SPATA31F3: variants seen among roughly 807,000 people sequenced by gnomAD.
SPATA31F3 encodes the protein protein SPATA31F3.
At chr9:34,892,483 C>T in the SPATA31F3 span, among the ~76,000 whole-genome samples, 1 of 152,176 alleles carries the variant, frequency 6.6e-6, no homozygotes. Flanking sequence ...TCTTGGGAGC[C>T]CTCAGTTGTG....
chr9:34,892,898 G>C, the SPATA31F3 span: 3 of 697,076 alleles, frequency 4.3e-6, no homozygotes, highest in Non-Finnish European at 7.9e-6. Context: ...CAGTGTTGGA[G>C]TTACAGATGC....
At chr9:34,890,188 T>A in the SPATA31F3 span, among the ~76,000 whole-genome samples, 113 of 152,318 alleles carry the variant, frequency 7.4e-4, 2 homozygotes, top group East Asian at 0.019. Context: ...GGAGTTCTGC[T>A]TAGAAGTGCC....
At chr9:34,890,340 T>C in the SPATA31F3 span, among the ~76,000 whole-genome samples, 1 of 152,166 alleles carries the variant, frequency 6.6e-6, no homozygotes, top group Non-Finnish European at 1.5e-5. Flanking sequence ...TTTTCTCTGC[T>C]GGGGTAGGGA....
chr9:34,889,813 T>C, the SPATA31F3 span, among the ~76,000 whole-genome samples: 2 of 152,210 alleles, frequency 1.3e-5, no homozygotes, highest in African/African-American at 4.8e-5. Flanking sequence ...CTTCAAATAC[T>C]GTACTTGCAA....
the SPATA31F3 span, chr9:34,892,545 T>C: frequency 2.4e-6 from 1 of 415,038 alleles, no homozygotes; most frequent in African/African-American, 2.0e-5. Flanking sequence ...TCAGGACTTT[T>C]TGGACATTGC....
the SPATA31F3 span, chr9:34,893,023 C>T: frequency 1.1e-6 from 1 of 923,812 alleles, no homozygotes; most frequent in Non-Finnish European, 1.7e-6. Flanking sequence ...CCAGTGAAGT[C>T]AGGGAGATCT....
At chr9:34,892,469 C>T in the SPATA31F3 span, among the ~76,000 whole-genome samples, 1 of 152,344 alleles carries the variant, frequency 6.6e-6, no homozygotes, top group East Asian at 1.9e-4. Flanking sequence ...AACTCCTCCA[C>T]AGATCTTGGG....
the SPATA31F3 span, among the ~76,000 whole-genome samples, chr9:34,893,755 G>C: frequency 6.6e-6 from 1 of 152,172 alleles, no homozygotes; most frequent in African/African-American, 2.4e-5. Context: ...GTTCTCTGTT[G>C]ACCTTGTTGA....
chr9:34,889,560 C>T, the SPATA31F3 span: 1 of 398,454 alleles, frequency 2.5e-6, no homozygotes, highest in African/African-American at 2.1e-5. Context: ...TTCCTCATGC[C>T]TTCGATCTTT....
the SPATA31F3 span, among the ~76,000 whole-genome samples, chr9:34,891,283 C>T: frequency 2.0e-5 from 3 of 152,184 alleles, no homozygotes; most frequent in Admixed American, 2.0e-4. Flanking sequence ...ACAGGGGCGC[C>T]AAGTTGCTTC....
At chr9:34,889,802 C>T in the SPATA31F3 span, among the ~76,000 whole-genome samples, 1 of 152,132 alleles carries the variant, frequency 6.6e-6, no homozygotes, top group South Asian at 2.1e-4. Context: ...AAAATTTACC[C>T]CTTCAAATAC....
At chr9:34,895,315 T>A in the SPATA31F3 span, among the ~76,000 whole-genome samples, 32 of 152,178 alleles carry the variant, frequency 2.1e-4, no homozygotes, top group African/African-American at 7.7e-4. Context: ...ATTCCTTTCA[T>A]AAGTTCGGTG....
At chr9:34,891,730 A>G in the SPATA31F3 span, among the ~76,000 whole-genome samples, 1 of 152,160 alleles carries the variant, frequency 6.6e-6, no homozygotes, top group African/African-American at 2.4e-5. Flanking sequence ...GACTTCCCCA[A>G]TCAAAGAGTG....
the SPATA31F3 span, chr9:34,889,330 C>G: frequency 1.5e-5 from 6 of 398,552 alleles, no homozygotes; most frequent in South Asian, 5.1e-4. Context: ...CCAGGATTGG[C>G]TGGACTGAAG....
At chr9:34,892,731 C>T in the SPATA31F3 span, 1 of 462,698 alleles carries the variant, frequency 2.2e-6, no homozygotes, top group African/African-American at 2.0e-5. Flanking sequence ...CCAGGCTTCT[C>T]AAAGTTTGAA....
chr9:34,895,007 G>A, the SPATA31F3 span: 1 of 398,394 alleles, frequency 2.5e-6, no homozygotes, highest in Non-Finnish European at 4.4e-6. Flanking sequence ...ACTCACAGCA[G>A]AAGTGAATTA....
chr9:34,892,456 C>T, the SPATA31F3 span, among the ~76,000 whole-genome samples: 1 of 152,318 alleles, frequency 6.6e-6, no homozygotes. Flanking sequence ...CTGCCCTGTA[C>T]AGAACTCCTC....
the SPATA31F3 span, chr9:34,892,884 G>A: frequency 7.1e-6 from 5 of 700,646 alleles, no homozygotes; most frequent in Non-Finnish European, 1.3e-5. Flanking sequence ...TCCATTAATT[G>A]TGACAGTGTT....
chr9:34,890,243 TG>T, the SPATA31F3 span, among the ~76,000 whole-genome samples: 1 of 152,230 alleles, frequency 6.6e-6, no homozygotes, highest in African/African-American at 2.4e-5. Flanking sequence ...TCTCTCTGGC[TG>T]GGGAGAGCTC....
Sources: allele counts gnomAD v4.1 joint callset (sites outside exome capture counted in the v4.1 genomes callset), GRCh38; gene constraint gnomAD v4.1.1; transcripts MANE v1.5; gene names NCBI Gene and HGNC (gene_info 2026-07-23, HGNC 2026-07-21).